RASA2: variants seen among roughly 807,000 people sequenced by gnomAD.
RASA2 encodes RAS p21 protein activator 2.
RASA2 carries 155 observed loss-of-function variants against 118.2 expected under a neutral mutation model. The ratio of observed to expected loss-of-function variants is 1.31; its 90% CI spans 1.15 to 1.50. The LOEUF (loss-of-function observed/expected upper bound fraction) is 1.50, where lower values mean the gene tolerates loss of function less well. Among genes scored for constraint, RASA2 ranks in the 40% most tolerant of loss-of-function variants. The probability of loss-of-function intolerance (pLI) is 0.00; values close to 1 mark genes in which losing one functional copy is unlikely to be tolerated. For synonymous variants in RASA2, 353 were observed against 349.1 expected (o/e 1.01, Z -0.12); for missense variants, 1,016 against 1,009.6 (o/e 1.01, Z -0.09).
intron 13 of RASA2, among the ~76,000 whole-genome samples, chr3:141,573,708 G>A (rs2082960425): frequency 6.6e-6 from 1 of 152,068 alleles, no homozygotes; most frequent in East Asian, 1.9e-4. Flanking sequence ...CTTCTTGTGA[G>A]GTTTATTCAT....
chr3:141,577,193 G>T lies in RASA2; in HGVS notation c.1590+87G>T, dbSNP rs1043993361. 3.9e-6 allele frequency: 4 copies of T among 1,014,408 alleles called. No homozygotes were observed. In the African/African-American group the frequency reaches 5.1e-5, roughly 13 times the overall value. The allele number at this position is 1,014,408 out of a possible 1,614,324, so 62.8% of individuals were successfully genotyped here. On this transcript the variant is annotated intron_variant, in intron 15 of 23. Transcript: ENST00000286364. Reference sequence around the variant, plus strand: ...AAGATAAAATAAACCAATTTCACTAGGCTGTATTTTCTTATAACTGATACT... The same window carrying T: ...AAGATAAAATAAACCAATTTCACTATGCTGTATTTTCTTATAACTGATACT...
intron 19 of RASA2, among the ~76,000 whole-genome samples, chr3:141,593,693 T>C (rs1403670186): frequency 6.6e-6 from 1 of 152,220 alleles, no homozygotes; most frequent in African/African-American, 2.4e-5. Context: ...TTAGAGAGCT[T>C]AGCAAACACT....
rs559905734 is a variant in RASA2 at position 141,521,894 on chromosome 3, G to T, written c.355+5463G>T. Reference sequence around the variant, plus strand: ...ATTTTCTTTTGTCATTAACACACAGGTTTTTTTTTTTTTTAATTTTGAGCT... The same window carrying T: ...ATTTTCTTTTGTCATTAACACACAGTTTTTTTTTTTTTTTAATTTTGAGCT... On this transcript the variant is annotated intron_variant, in intron 3 of 23. Transcript: ENST00000286364. 2.4e-4 allele frequency among the ~76,000 whole-genome samples: 34 copies of T among 139,716 alleles called. No homozygotes were observed. In the East Asian group the frequency reaches 4.1e-3, roughly 17 times the overall value. 91.7% of individuals were successfully genotyped at this position (139,716 alleles called of 152,430 possible).
chr3:141,534,259 C>A (rs1038103070), intron 4 of RASA2, among the ~76,000 whole-genome samples: 1 of 152,064 alleles, frequency 6.6e-6, no homozygotes, highest in African/African-American at 2.4e-5. Flanking sequence ...TTAACCAGGC[C>A]GGGTATGGTG....
At chr3:141,502,368 T>C (rs935460560) in intron 1 of RASA2, among the ~76,000 whole-genome samples, 3 of 152,178 alleles carry the variant, frequency 2.0e-5, no homozygotes, top group Non-Finnish European at 4.4e-5. Context: ...CAGAAACTTT[T>C]AGCGACCCTT....
chr3:141,581,429 A>G (rs1010887975), intron 17 of RASA2, among the ~76,000 whole-genome samples: 1 of 152,228 alleles, frequency 6.6e-6, no homozygotes, highest in African/African-American at 2.4e-5. Context: ...GTCTAGGGTT[A>G]GGATTTCTCA....
At chr3:141,531,064 T>G (rs1341516093) in intron 4 of RASA2, among the ~76,000 whole-genome samples, 1 of 152,170 alleles carries the variant, frequency 6.6e-6, no homozygotes, top group Non-Finnish European at 1.5e-5. Flanking sequence ...CTGTTAATGC[T>G]ATACAGATGT....
At chr3:141,516,650 G>A (rs1322739784) in intron 3 of RASA2, among the ~76,000 whole-genome samples, 1 of 152,044 alleles carries the variant, frequency 6.6e-6, no homozygotes, top group Non-Finnish European at 1.5e-5. Context: ...TAGTCACTAT[G>A]TCATATGTTT....
intron 9 of RASA2, among the ~76,000 whole-genome samples, chr3:141,562,609 G>T (rs147869022): frequency 2.0e-5 from 3 of 149,950 alleles, no homozygotes; most frequent in African/African-American, 7.3e-5. Flanking sequence ...GAGACAGAGC[G>T]AGACTCCGTC....
chr3:141,528,968 T>G (rs2082221172), intron 3 of RASA2, among the ~76,000 whole-genome samples: 1 of 152,018 alleles, frequency 6.6e-6, no homozygotes, highest in South Asian at 2.1e-4. Flanking sequence ...CTGTGTCTAC[T>G]TCTTAAAACT....
At chr3:141,517,921 C>T (rs928543594) in intron 3 of RASA2, among the ~76,000 whole-genome samples, 6 of 151,976 alleles carry the variant, frequency 3.9e-5, no homozygotes, top group African/African-American at 9.7e-5. Flanking sequence ...TCCCAAAGTG[C>T]TGGGATTACA....
chr3:141,487,469 C>T (rs1484977745), intron 1 of RASA2, among the ~76,000 whole-genome samples: 1 of 150,626 alleles, frequency 6.6e-6, no homozygotes, highest in Non-Finnish European at 1.5e-5. Flanking sequence ...TGGGAGAGCC[C>T]GGGCTGCGCC....
intron 9 of RASA2, among the ~76,000 whole-genome samples, chr3:141,569,664 G>T (rs1359589117): frequency 6.6e-6 from 1 of 151,914 alleles, no homozygotes; most frequent in Non-Finnish European, 1.5e-5. Context: ...TAGATTCAGG[G>T]GTATAGGTAC....
At chr3:141,585,501 T>G (rs1329352289) in intron 17 of RASA2, among the ~76,000 whole-genome samples, 1 of 152,160 alleles carries the variant, frequency 6.6e-6, no homozygotes, top group African/African-American at 2.4e-5. Flanking sequence ...TTAAGTAACT[T>G]AAGAACAAAG....
intron 1 of RASA2, among the ~76,000 whole-genome samples, chr3:141,493,703 T>C (rs2081665210): frequency 6.6e-6 from 1 of 152,228 alleles, no homozygotes; most frequent in Non-Finnish European, 1.5e-5. Context: ...TTAGATAATA[T>C]GAACACTTGG....
intron 15 of RASA2, 79 bp from the exon 16 acceptor site, chr3:141,580,289 C>G: frequency 1.9e-6 from 2 of 1,062,514 alleles, no homozygotes; most frequent in Non-Finnish European, 2.8e-6. Flanking sequence ...GCAATGTAGT[C>G]CATTTACTCT....
At chr3:141,603,721 C>G (rs906573092) in intron 19 of RASA2, among the ~76,000 whole-genome samples, 1 of 152,110 alleles carries the variant, frequency 6.6e-6, no homozygotes, top group African/African-American at 2.4e-5. Flanking sequence ...AAAAGAAACC[C>G]TATACCCATT....
intron 9 of RASA2, among the ~76,000 whole-genome samples, chr3:141,562,663 A>C (rs546690083): frequency 7.4e-4 from 110 of 148,856 alleles, no homozygotes; most frequent in East Asian, 1.2e-3. Flanking sequence ...ACAAAAAAAA[A>C]CCAGAAATAA....
intron 19 of RASA2, among the ~76,000 whole-genome samples, chr3:141,588,105 C>G (rs2083234387): frequency 6.6e-6 from 1 of 152,086 alleles, no homozygotes; most frequent in Admixed American, 6.6e-5. Context: ...AAAAGTAATT[C>G]AAGCACAAAA....
Sources: allele counts gnomAD v4.1 joint callset (sites outside exome capture counted in the v4.1 genomes callset), GRCh38; gene constraint gnomAD v4.1.1; transcripts MANE v1.5; gene names NCBI Gene and HGNC (gene_info 2026-07-23, HGNC 2026-07-21).